Variants in WDTC1 observed in about 807,000 individuals in gnomAD.
WDTC1 encodes the protein WD and tetratricopeptide repeats 1.
In WDTC1, 12 loss-of-function variants were observed where a neutral mutation model predicts 76.0. The ratio of observed to expected loss-of-function variants is 0.16; its 90% CI spans 0.10 to 0.26. The LOEUF (loss-of-function observed/expected upper bound fraction) is 0.26, where lower values mean the gene tolerates loss of function less well. Among genes scored for constraint, WDTC1 ranks in the 10% least tolerant of loss-of-function variants. The probability of loss-of-function intolerance (pLI) is 1.00; values close to 1 mark genes in which losing one functional copy is unlikely to be tolerated. For missense variants in WDTC1, 511 were observed against 908.8 expected (o/e 0.56, Z 5.63); for synonymous variants, 326 against 350.8 (o/e 0.93, Z 0.79).
At chr1:27,270,488 T>C (rs532164104) in intron 3 of WDTC1, among the ~76,000 whole-genome samples, 1 of 151,862 alleles carries the variant, frequency 6.6e-6, no homozygotes, top group South Asian at 2.1e-4. Flanking sequence ...AGCTCAGGAG[T>C]TCAAGACCAG....
At chr1:27,302,078 C>T (rs758933538) in intron 13 of WDTC1, among the ~76,000 whole-genome samples, 43 of 152,156 alleles carry the variant, frequency 2.8e-4, no homozygotes, top group Non-Finnish European at 1.6e-4. Flanking sequence ...TAAACGTGAA[C>T]GGTGAGCTCA....
At chr1:27,246,546 G>T (rs1464375129) in intron 1 of WDTC1, among the ~76,000 whole-genome samples, 1 of 151,350 alleles carries the variant, frequency 6.6e-6, no homozygotes, top group Non-Finnish European at 1.5e-5. Flanking sequence ...ACAGCTTTTT[G>T]TATGGACATG....
At chr1:27,241,285 C>T (rs1033458426) in intron 1 of WDTC1, among the ~76,000 whole-genome samples, 2 of 152,198 alleles carry the variant, frequency 1.3e-5, no homozygotes, top group African/African-American at 4.8e-5. Context: ...CAGACCTTGC[C>T]CAGGGAGCTC....
Position 27,306,329 on chromosome 1 carries a change from G to T in WDTC1, c.1980G>T (p.Gly660=), listed in dbSNP as rs758479833. The part of the protein sequence containing the change: ...RITGLSSGGA[G]ASDDEDSSEG... ...CGGGCCTGAGCAGTGGGGGTGCCGGGGCCTCTGATGATGAGGACAGCTCTG... is the reference window on the plus strand; with the variant it reads ...CGGGCCTGAGCAGTGGGGGTGCCGGTGCCTCTGATGATGAGGACAGCTCTG... Residue 660 remains glycine (G), a synonymous_variant, in exon 16 of 16, where the codon GGG becomes GGT. Coordinates refer to ENST00000319394, the MANE Select transcript of WDTC1 (RefSeq NM_001276252.2). The surrounding 1 kb of genome is among the most constrained non-coding windows in gnomAD (Gnocchi z 5.0). The T allele has an allele frequency of 6.2e-7, 1 of 1,613,874 alleles. No homozygotes were observed. The highest frequency in any genetic ancestry group is 2.2e-5 in the East Asian group (1 of 44,876).
chr1:27,288,642 T>C (rs988923728), intron 6 of WDTC1, among the ~76,000 whole-genome samples: 3 of 151,694 alleles, frequency 2.0e-5, no homozygotes, highest in Non-Finnish European at 4.4e-5. Context: ...ACACAGCACA[T>C]GTTTCAGAGA....
intron 8 of WDTC1, 45 bp from the exon 9 acceptor site, chr1:27,294,469 T>G (rs2013628484): frequency 9.6e-6 from 15 of 1,558,868 alleles, no homozygotes; most frequent in Non-Finnish European, 1.3e-5. Flanking sequence ...TCATGCCCCT[T>G]TGAAAGGGAC....
chr1:27,293,168 C>G (rs1282839683), intron 7 of WDTC1, among the ~76,000 whole-genome samples: 2 of 150,408 alleles, frequency 1.3e-5, no homozygotes, highest in Admixed American at 1.3e-4. Flanking sequence ...CGTGGTGGCT[C>G]ACGCCTGTAA....
rs1403212105 is a variant in WDTC1, at chr1:27,305,913, G to A, written c.1837-273G>A. 1.3e-5 allele frequency among the ~76,000 whole-genome samples: 2 copies of A among 152,048 alleles called. No individual in the cohort carries two copies. Among genetic ancestry groups the A allele is most frequent in the African/African-American group, 2.4e-5 (1 of 41,360 alleles). On this transcript the variant is annotated intron_variant, in intron 15 of 15. Coordinates refer to ENST00000319394, the MANE Select transcript of WDTC1 (RefSeq NM_001276252.2). The surrounding 1 kb of genome is among the most constrained non-coding windows in gnomAD (Gnocchi z 4.6). ...GTATGTGTGTCCAACATATCCTGGT[G>A]TGTACTGTCCCCCACGTATATCCCA...
intron 1 of WDTC1, among the ~76,000 whole-genome samples, chr1:27,250,863 G>T (rs938609044): frequency 4.5e-4 from 61 of 135,992 alleles, no homozygotes; most frequent in Admixed American, 2.3e-3. Context: ...TAATTGACTT[G>T]TTTTTTTTTT....
intron 7 of WDTC1, among the ~76,000 whole-genome samples, chr1:27,293,001 C>T (rs1418919123): frequency 6.7e-6 from 1 of 150,024 alleles, no homozygotes; most frequent in Non-Finnish European, 1.5e-5. Context: ...ATCTGCCCGC[C>T]TCGGCCTCCC....
chr1:27,265,364 C>CAA (rs2012627421), intron 3 of WDTC1, among the ~76,000 whole-genome samples: 3 of 152,166 alleles, frequency 2.0e-5, no homozygotes, highest in Admixed American at 2.0e-4. Flanking sequence ...CCACTCTTCT[C>CAA]ATTAAATTCT....
In WDTC1 at chr1:27,263,194, G is replaced by A; in HGVS notation, c.91G>A (p.Asp31Asn). The A allele has an allele frequency of 6.2e-7, 1 of 1,613,588 alleles. No homozygotes were observed. The highest frequency in any genetic ancestry group is 8.5e-7 in the Non-Finnish European group (1 of 1,179,844). Residue 31 changes from aspartate (D) to asparagine (N), a missense_variant, in exon 3 of 16, where the codon GAC becomes AAC. Physicochemically the swap from Asp to Asn is conservative, Grantham distance 23. Coordinates refer to ENST00000319394, the MANE Select transcript of WDTC1 (RefSeq NM_001276252.2). ...LSFERRYHVT[D>N]PFIRRLGLEA... Reference sequence around the variant, plus strand: ...CTTTGAGCGGCGCTACCATGTCACTGACCCCTTTATCCGGCGGCTGGGCCT... The same window carrying A: ...CTTTGAGCGGCGCTACCATGTCACTAACCCCTTTATCCGGCGGCTGGGCCT...
intron 1 of WDTC1, among the ~76,000 whole-genome samples, chr1:27,250,858 G>C (rs1231907943): frequency 6.7e-6 from 1 of 148,398 alleles, no homozygotes; most frequent in East Asian, 2.0e-4. Context: ...GCTGTTAATT[G>C]ACTTGTTTTT....
chr1:27,287,935 C>G, intron 6 of WDTC1, 74 bp downstream of exon 6: 1 of 1,510,260 alleles, frequency 6.6e-7, no homozygotes, highest in Non-Finnish European at 8.9e-7. Flanking sequence ...CTTCTACAGA[C>G]CTAGCTCTTT....
At position 27,307,682 on chromosome 1, in the gene WDTC1, G is replaced by T; in HGVS notation, c.*1299G>T. 1 of 152,946 alleles carries T rather than the reference G, an allele frequency of 6.5e-6. No individual in the cohort carries two copies. Among genetic ancestry groups the T allele is most frequent in the South Asian group, 2.1e-4 (1 of 4,840 alleles). The allele number at this position is 152,946 out of a possible 1,614,324, so 9.5% of individuals were successfully genotyped here. A position where few individuals can be genotyped will look rare whatever the true frequency, so the allele number is the denominator to read the frequency against. On this transcript the variant is annotated 3_prime_UTR_variant, in exon 16 of 16. Transcript: ENST00000319394. This position sits in a 1 kb window ranked among gnomAD's most constrained non-coding sequence, Gnocchi z 4.1. ...AGTCAGGCTTCAGAGCAGCCCTGGA[G>T]ACAGGAGGGCCATGTTAAAAGCTTT...
intron 3 of WDTC1, among the ~76,000 whole-genome samples, chr1:27,264,721 C>G (rs1225120431): frequency 6.6e-6 from 1 of 152,122 alleles, no homozygotes; most frequent in African/African-American, 2.4e-5. Context: ...TTCCTGACCT[C>G]AAACAGGTCT....
chr1:27,306,105 T>C lies in WDTC1; in HGVS notation c.1837-81T>C. 6.6e-7 allele frequency: 1 copy of C among 1,507,766 alleles called. No homozygotes were observed. The highest frequency in any genetic ancestry group is 9.1e-7 in the Non-Finnish European group (1 of 1,093,890). 93.4% of individuals were successfully genotyped at this position (1,507,766 alleles called of 1,614,324 possible). ...CTATAGATAGTTTAGTCTGTGTATT[T>C]CCCTCCCCCTCCCCTATACGTGTAC... On this transcript the variant is annotated intron_variant, in intron 15 of 15. Coordinates refer to ENST00000319394, the MANE Select transcript of WDTC1 (RefSeq NM_001276252.2). This position sits in a 1 kb window ranked among gnomAD's most constrained non-coding sequence, Gnocchi z 5.0.
intron 2 of WDTC1, among the ~76,000 whole-genome samples, chr1:27,261,828 T>C (rs149769997): frequency 2.6e-5 from 4 of 152,328 alleles, no homozygotes; most frequent in South Asian, 4.1e-4. Flanking sequence ...TAAATGATGA[T>C]AATGGCCATC....
chr1:27,290,932 C>T (rs953890571), intron 6 of WDTC1, among the ~76,000 whole-genome samples: 13 of 152,230 alleles, frequency 8.5e-5, no homozygotes, highest in African/African-American at 3.1e-4. Context: ...CATCCCTGAA[C>T]CTCAGAAGAC....
Sources: gnomAD v4.1 joint callset for allele counts (sites outside exome capture counted in the v4.1 genomes callset) on GRCh38, gnomAD v4.1.1 for gene constraint, Gnocchi (gnomAD v3.1) non-coding constraint, MANE v1.5 for transcripts, NCBI Gene and HGNC (gene_info 2026-07-23, HGNC 2026-07-21) for gene names.